STMN1: variants seen among roughly 807,000 people sequenced by gnomAD.
The protein encoded by STMN1 is stathmin.
STMN1 carries 3 observed loss-of-function variants against 19.7 expected under a neutral mutation model. That is an observed-to-expected ratio of 0.15 (90% CI 0.07 to 0.39). The LOEUF is 0.39. STMN1 is among the 10% of genes least tolerant of loss of function. The probability of loss-of-function intolerance (pLI) is 1.00; values close to 1 mark genes in which losing one functional copy is unlikely to be tolerated. For synonymous variants in STMN1, 59 were observed against 58.9 expected (o/e 1.00, Z -0.01); for missense variants, 99 against 176.0 (o/e 0.56, Z 2.48).
intron 1 of STMN1, 40 bp from the exon 2 acceptor site, chr1:25,904,778 C>A: frequency 6.5e-7 from 1 of 1,546,724 alleles, no homozygotes; most frequent in African/African-American, 1.4e-5. Flanking sequence ...ACTTTCTTTG[C>A]CTTTCTATAT....
intron 4 of STMN1, among the ~76,000 whole-genome samples, chr1:25,889,726 C>T (rs564837868): frequency 1.3e-5 from 2 of 152,178 alleles, no homozygotes; most frequent in Non-Finnish European, 2.9e-5. Flanking sequence ...ATCACTCCCC[C>T]CTTAAAGCCC....
intron 4 of STMN1, among the ~76,000 whole-genome samples, chr1:25,890,706 C>T (rs75856477): frequency 0.01 from 1,531 of 152,310 alleles, 26 homozygotes; most frequent in African/African-American, 0.035. Context: ...TGTCTGACTA[C>T]TCATTTCATC....
chr1:25,900,091 G>GT (rs1193483705), downstream of STMN1: 5 of 985,508 alleles, frequency 5.1e-6, no homozygotes, highest in African/African-American at 7.0e-5. Flanking sequence ...AATAATTAAG[G>GT]TTCCCTTTAG....
At position 25,900,909 on chromosome 1, in the gene STMN1, T is replaced by C. The variant is rs2048864520; in HGVS notation, c.*107A>G. 3 of 1,589,414 alleles carry C rather than the reference T, an allele frequency of 1.9e-6. No individual in the cohort carries two copies. Among genetic ancestry groups the C allele is most frequent in the African/African-American group, 1.4e-5 (1 of 73,784 alleles). On this transcript the variant is annotated 3_prime_UTR_variant, in exon 5 of 5. Coordinates refer to ENST00000455785, the MANE Select transcript of STMN1 (RefSeq NM_005563.4). ...TGGATCTACCTATACAGTCCTACAT[T>C]AGCTTCTAAAATATTTGTCAGGAGG...
At chr1:25,889,460 CTTGT>C (rs1051386799) in intron 4 of STMN1, among the ~76,000 whole-genome samples, 1 of 150,894 alleles carries the variant, frequency 6.6e-6, no homozygotes, top group South Asian at 2.1e-4. Flanking sequence ...CTTCTCCAGG[CTTGT>C]TTGAGTAGAT....
intron 3 of STMN1, chr1:25,902,535 G>A (rs2048887758): frequency 6.6e-6 from 1 of 152,230 alleles, no homozygotes; most frequent in Non-Finnish European, 1.5e-5. Flanking sequence ...CAACAGAACA[G>A]CTTGTTCTCA....
chr1:25,899,348 C>T (rs755751863), downstream of STMN1, among the ~76,000 whole-genome samples: 2 of 152,324 alleles, frequency 1.3e-5, no homozygotes, highest in Non-Finnish European at 2.9e-5. Flanking sequence ...TCCCAGAGCA[C>T]CTGCTATGTG....
intron 4 of STMN1, among the ~76,000 whole-genome samples, chr1:25,890,610 A>G (rs565058484): frequency 6.6e-6 from 1 of 152,338 alleles, no homozygotes; most frequent in African/African-American, 2.4e-5. Flanking sequence ...CCTGCACGGA[A>G]TAAAAGCAAG....
rs893222231 is a variant in STMN1, at chr1:25,885,946, A to G, written c.379-77T>C. 5 of 1,458,932 alleles carry G rather than the reference A, an allele frequency of 3.4e-6. No individual in the cohort carries two copies. In the Admixed American group the frequency reaches 1.3e-4, roughly 39 times the overall value. 90.4% of individuals were successfully genotyped at this position (1,458,932 alleles called of 1,614,324 possible). On this transcript the variant is annotated intron_variant, in intron 4 of 4. Transcript: ENST00000426559. ...ACAGGAGGTGGAGGGGCCCTTCATC[A>G]GGGCTAAAACAGTGGTTCTCAAACT... is the stretch of plus-strand genomic sequence containing the variant.
intron 1 of STMN1, among the ~76,000 whole-genome samples, chr1:25,905,660 T>G (rs1228733872): frequency 6.6e-6 from 1 of 151,324 alleles, no homozygotes; most frequent in Non-Finnish European, 1.5e-5. Flanking sequence ...GGGCTAACGG[T>G]CCAATCCGGG....
intron 3 of STMN1, chr1:25,903,035 A>C (rs1019696817): frequency 1.3e-5 from 2 of 152,318 alleles, no homozygotes; most frequent in African/African-American, 4.8e-5. Context: ...AAGCGGGATA[A>C]TGAATACTTT....
chr1:25,894,723 T>C (rs532979246), intron 4 of STMN1, among the ~76,000 whole-genome samples: 33 of 152,272 alleles, frequency 2.2e-4, no homozygotes, highest in South Asian at 1.5e-3. Flanking sequence ...TATTTTTTTA[T>C]TTACTTTCAT....
intron 4 of STMN1, among the ~76,000 whole-genome samples, chr1:25,894,630 T>C (rs2048803253): frequency 6.6e-6 from 1 of 152,114 alleles, no homozygotes; most frequent in Non-Finnish European, 1.5e-5. Context: ...CAGTGAGCTG[T>C]GTTTGCACCA....
At chr1:25,904,501 G>A (rs1398643569) in intron 2 of STMN1, among the ~76,000 whole-genome samples, 163 bp downstream of exon 2, 7 of 152,068 alleles carry the variant, frequency 4.6e-5, no homozygotes, top group African/African-American at 1.7e-4. Flanking sequence ...ACGAGCTCTC[G>A]GCACATTCAA....
intron 3 of STMN1, 31 bp from the exon 4 acceptor site, chr1:25,901,713 T>A: frequency 1.3e-6 from 2 of 1,582,434 alleles, no homozygotes; most frequent in Non-Finnish European, 1.7e-6. Flanking sequence ...GGCTAGGCAC[T>A]CTAAAATGTA....
chr1:25,903,135 T>C (rs1467050134), intron 3 of STMN1: 1 of 152,158 alleles, frequency 6.6e-6, no homozygotes, highest in Non-Finnish European at 1.5e-5. Flanking sequence ...CTTTTAAAGA[T>C]AGTTACTTTA....
chr1:25,895,028 C>T (rs1290966658), intron 4 of STMN1, among the ~76,000 whole-genome samples: 1 of 150,978 alleles, frequency 6.6e-6, no homozygotes, highest in South Asian at 2.1e-4. Flanking sequence ...AGGTACAGTA[C>T]ATCTCTGGAA....
downstream of STMN1, among the ~76,000 whole-genome samples, chr1:25,895,310 GT>G (rs1470794682): frequency 6.6e-6 from 1 of 151,850 alleles, no homozygotes; most frequent in Non-Finnish European, 1.5e-5. Flanking sequence ...GTTTCACCGT[GT>G]TAGCCAGGAT....
At chr1:25,902,418 G>C (rs977377809) in intron 3 of STMN1, 2 of 152,218 alleles carry the variant, frequency 1.3e-5, no homozygotes, top group Admixed American at 1.3e-4. Context: ...GACTAAGTCT[G>C]TAGATTACTA....
Sources: allele counts gnomAD v4.1 joint callset (sites outside exome capture counted in the v4.1 genomes callset), GRCh38; gene constraint gnomAD v4.1.1; transcripts MANE v1.5; gene names NCBI Gene and HGNC (gene_info 2026-07-23, HGNC 2026-07-21).